Variants in KLRB1 observed in about 807,000 individuals in gnomAD.
KLRB1 encodes the protein killer cell lectin-like receptor subfamily B member 1.
Under a neutral mutation model 33.5 loss-of-function variants are expected in KLRB1, and 27 were observed. The ratio of observed to expected loss-of-function variants is 0.81; its 90% CI spans 0.59 to 1.11. The LOEUF (loss-of-function observed/expected upper bound fraction) is 1.11, where lower values mean the gene tolerates loss of function less well. Among genes scored for constraint, KLRB1 ranks in the 50% most tolerant of loss-of-function variants. The pLI, the probability that KLRB1 is intolerant of heterozygous loss-of-function variation, is 0.00. For synonymous variants in KLRB1, 64 were observed against 88.9 expected, an observed-to-expected ratio of 0.72 and a Z score of 1.58; for missense variants, 241 against 254.1, an observed-to-expected ratio of 0.95 and a Z score of 0.35.
rs1491174451 is a variant in KLRB1 at position 9,606,761 on chromosome 12, T to TATATATA, written c.85+993_85+994insTATATAT. On this transcript the variant is annotated intron_variant, in intron 1 of 5. Coordinates refer to ENST00000229402, the MANE Select transcript of KLRB1 (RefSeq NM_002258.3). The stretch of plus-strand genomic sequence containing the variant: ...ATATATATATATATATATATATATA[T>TATATATA]TTTTTTTTTTTTTTTGAGATAGTCT... 3.3e-3 allele frequency among the ~76,000 whole-genome samples: 79 copies of TATATATA among 23,658 alleles called. 1 individual carries two copies. The highest frequency in any genetic ancestry group is 4.7e-3 in the Admixed American group (7 of 1,488). 15.5% of individuals were successfully genotyped at this position (23,658 alleles called of 152,430 possible). A position where few individuals can be genotyped will look rare whatever the true frequency, so the allele number is the denominator to read the frequency against.
At chr12:9,596,151 C>T (rs1480780832) in intron 5 of KLRB1, among the ~76,000 whole-genome samples, 1 of 152,102 alleles carries the variant, frequency 6.6e-6, no homozygotes, top group South Asian at 2.1e-4. Flanking sequence ...TTGTCTCAAA[C>T]GGATGAGGTG....
In KLRB1 at chr12:9,601,625, AAAAC is replaced by A. The variant is rs3072720; in HGVS notation, c.86-30_86-27del. 2,744 of 1,308,660 alleles carry A rather than the reference AAAAC, an allele frequency of 2.1e-3. 51 individuals carry two copies. The African/African-American group carries it at 0.033, about 16-fold the overall frequency. The allele number at this position is 1,308,660 out of a possible 1,614,324, so 81.1% of individuals were successfully genotyped here. On this transcript the variant is annotated intron_variant, in intron 1 of 5. Transcript: ENST00000229402. ...CTGAAAAGTTAAAAAGAAAAACACA[AAAAC>A]AAACAAACAAACGAAACAAAAAACC...
In KLRB1 at chr12:9,594,760, C is replaced by T. The variant is rs192134144; in HGVS notation, c.*514G>A. 3,333 of 147,396 alleles carry T rather than the reference C, an allele frequency of 0.023. 37 individuals carry two copies. The highest frequency in any genetic ancestry group is 0.042 in the African/African-American group (1,557 of 36,924). The allele number at this position is 147,396 out of a possible 1,614,324, so 9.1% of individuals were successfully genotyped here. On this transcript the variant is annotated 3_prime_UTR_variant, in exon 6 of 6. Transcript: ENST00000229402. ...GAGTCACTAGGAGATATATTGGTTG[C>T]GGGGGGCTGTAAAATAGGTGAAAGA...
rs1491574226 is a variant in KLRB1 at position 9,607,333 on chromosome 12, TTC to T, written c.85+420_85+421del. Reference sequence around the variant, plus strand: ...TCTTTCTTCTTTTCTTTCTCTTTCTTTCCTTTCTTTCTTTCTTTCTTCCTTTC... The same window carrying T: ...TCTTTCTTCTTTTCTTTCTCTTTCTTCTTTCTTTCTTTCTTTCTTCCTTTC... On this transcript the variant is annotated intron_variant, in intron 1 of 5. Transcript: ENST00000229402. Among the ~76,000 whole-genome samples, 3 of 24,928 alleles carry T rather than the reference TTC, an allele frequency of 1.2e-4. 1 individual carries two copies. The highest frequency in any genetic ancestry group is 1.9e-4 in the African/African-American group (3 of 15,782). 16.4% of individuals were successfully genotyped at this position (24,928 alleles called of 152,430 possible).
At chr12:9,599,983 A>AAGT in intron 2 of KLRB1, 142 bp from the exon 3 acceptor site, 1 of 18,926 alleles carries the variant, frequency 5.3e-5, no homozygotes, top group Non-Finnish European at 2.5e-4. Flanking sequence ...GAAGTGGTAA[A>AAGT]AAAAAAAAAA....
intron 1 of KLRB1, 153 bp downstream of exon 1, chr12:9,607,602 T>A (rs1221412518): frequency 1.7e-6 from 1 of 579,276 alleles, no homozygotes; most frequent in Non-Finnish European, 3.1e-6. Context: ...CCCAAAGTTG[T>A]GATTATCTAC....
rs370599894 is a variant in KLRB1, at chr12:9,598,490, A to G, written c.414+9T>C. On this transcript the variant is annotated intron_variant, in intron 4 of 5. Transcript: ENST00000229402. ...AAGTTTTATTAAGGTATTTTATTTA[A>G]TGATTTACCAATTCATCCTTATCTC... The G allele has an allele frequency of 5.9e-5, 94 of 1,601,654 alleles. No homozygotes were observed. In the African/African-American group the frequency reaches 1.1e-3, roughly 19 times the overall value.
intron 2 of KLRB1, among the ~76,000 whole-genome samples, chr12:9,601,200 C>T (rs1864537633): frequency 1.3e-5 from 2 of 151,018 alleles, no homozygotes; most frequent in South Asian, 4.3e-4. Flanking sequence ...ACCCTCTCCC[C>T]ACAATTGTCT....
At chr12:9,597,500 C>T (rs768693759) in intron 5 of KLRB1, among the ~76,000 whole-genome samples, 5 of 152,256 alleles carry the variant, frequency 3.3e-5, no homozygotes, top group African/African-American at 1.2e-4. Flanking sequence ...GAGAAAACAG[C>T]AAATAGCTCT....
rs767588731 is a variant in KLRB1, at chr12:9,601,414, G to C, written c.184+87C>G. 9.7e-5 allele frequency: 93 copies of C among 954,708 alleles called. No homozygotes were observed. The South Asian group carries it at 1.2e-3, about 12-fold the overall frequency. The allele number at this position is 954,708 out of a possible 1,614,324, so 59.1% of individuals were successfully genotyped here. On this transcript the variant is annotated intron_variant, in intron 2 of 5. Transcript: ENST00000229402. ...TACGAGAAACACCCACAGGTGTGTA[G>C]GGGCAACCCACCCCTACAGAGATGC...
intron 2 of KLRB1, 139 bp from the exon 3 acceptor site, chr12:9,599,980 TAAAAA>T (rs55659351): frequency 4.3e-3 from 1,905 of 443,052 alleles, no homozygotes; most frequent in South Asian, 7.5e-3. Context: ...AGCGAAGTGG[TAAAAA>T]AAAAAAAAAA....
At chr12:9,597,437 C>T (rs1369905500) in intron 5 of KLRB1, among the ~76,000 whole-genome samples, 3 of 138,336 alleles carry the variant, frequency 2.2e-5, no homozygotes, top group Non-Finnish European at 4.8e-5. Context: ...CCTCATAGTA[C>T]GTTGATGGTA....
In KLRB1 at chr12:9,595,412, A is replaced by G. The variant is rs766651636; in HGVS notation, c.540T>C (p.Ile180=). 7 of 1,612,196 alleles carry G rather than the reference A, an allele frequency of 4.3e-6. No individual in the cohort carries two copies. In the Admixed American group the frequency reaches 8.3e-5, roughly 19 times the overall value. ...GSFLNSNDLE[I]RGDAKENSCI... ...AGCTGTTTTCTTTAGCATCACCTCT[A>G]ATTTCTAAGCTGTGGAGCAAAAGAA... Residue 180 remains isoleucine, a synonymous_variant, in exon 6 of 6, where the codon ATT becomes ATC. Transcript: ENST00000229402.
chr12:9,601,404 C>T (rs1864539641), intron 2 of KLRB1, 97 bp downstream of exon 2: 1 of 786,366 alleles, frequency 1.3e-6, no homozygotes, highest in Non-Finnish European at 2.2e-6. Context: ...GAAACACCCA[C>T]AGGTGTGTAG....
intron 1 of KLRB1, among the ~76,000 whole-genome samples, chr12:9,604,233 C>G (rs1591657787): frequency 6.6e-6 from 1 of 152,142 alleles, no homozygotes; most frequent in African/African-American, 2.4e-5. Flanking sequence ...CTGGAAATAC[C>G]TACCTATGGC....
intron 5 of KLRB1, among the ~76,000 whole-genome samples, chr12:9,596,947 G>A (rs985913): frequency 0.28 from 42,003 of 152,016 alleles, 6,869 homozygotes; most frequent in East Asian, 0.45. Context: ...AACATAATGT[G>A]TATGTTTGGC....
chr12:9,600,711 G>A (rs999571633), intron 2 of KLRB1, among the ~76,000 whole-genome samples: 7 of 152,150 alleles, frequency 4.6e-5, no homozygotes, highest in African/African-American at 1.7e-4. Context: ...TGCTCCTTAA[G>A]AGTCATCACC....
intron 1 of KLRB1, among the ~76,000 whole-genome samples, chr12:9,607,335 C>CCTTCCTTCCTTTCTTTCTTTCTTT (rs1864621978): frequency 1.5e-5 from 1 of 65,168 alleles, no homozygotes; most frequent in Non-Finnish European, 3.6e-5. Context: ...CTCTTTCTTT[C>CCTTCCTTCCTTTCTTTCTTTCTTT]CTTTCTTTCT....
intron 1 of KLRB1, among the ~76,000 whole-genome samples, chr12:9,605,484 C>G (rs1864589358): frequency 6.6e-6 from 1 of 152,212 alleles, no homozygotes; most frequent in African/African-American, 2.4e-5. Flanking sequence ...CTATTTTGTT[C>G]ACTGCTGTAT....
Sources: gnomAD v4.1 joint callset for allele counts (sites outside exome capture counted in the v4.1 genomes callset) on GRCh38, gnomAD v4.1.1 for gene constraint, MANE v1.5 for transcripts, NCBI Gene and HGNC (gene_info 2026-07-23, HGNC 2026-07-21) for gene names.